The following KIAA0825 variants were observed in gnomAD, a reference collection of about 807,000 sequenced individuals.
KIAA0825 encodes the protein KIAA0825, also known as uncharacterized protein KIAA0825.
A neutral mutation model predicts 147.6 loss-of-function variants in KIAA0825; 119 were observed. The observed-to-expected ratio is 0.81, with a 90% CI of 0.69 to 0.94. The LOEUF (loss-of-function observed/expected upper bound fraction) is 0.94, where lower values mean the gene tolerates loss of function less well. Ranked by LOEUF, KIAA0825 falls within the 40% of genes least tolerant of loss-of-function variation. The probability of loss-of-function intolerance (pLI) is 0.00; values close to 1 mark genes in which losing one functional copy is unlikely to be tolerated. For synonymous variants in KIAA0825, 470 were observed against 518.1 expected, an observed-to-expected ratio of 0.91 and a Z score of 1.26; for missense variants, 1,381 against 1,472.7, an observed-to-expected ratio of 0.94 and a Z score of 1.02.
At chr5:94,494,889 CAT>C (rs958006885) in intron 5 of KIAA0825, among the ~76,000 whole-genome samples, 1 of 152,082 alleles carries the variant, frequency 6.6e-6, no homozygotes, top group Non-Finnish European at 1.5e-5. Flanking sequence ...CTCAATATAA[CAT>C]GTTAAAAATT....
chr5:94,178,966 A>C lies in KIAA0825; in HGVS notation c.3711-24842T>G, dbSNP rs73773584. ...ATTCAGCCCTAAAAGGGAACAAACT[A>C]TTGATTTATACAACATGAATTAATT... On this transcript the variant is annotated intron_variant, in intron 20 of 20. Transcript: ENST00000682413. Among the ~76,000 whole-genome samples, 626 of 152,246 alleles carry C rather than the reference A, an allele frequency of 4.1e-3. 7 individuals are homozygous for C. The highest frequency in any genetic ancestry group is 0.014 in the African/African-American group (599 of 41,568).
At chr5:94,473,119 T>C (rs925606433) in intron 8 of KIAA0825, among the ~76,000 whole-genome samples, 173 bp downstream of exon 8, 3 of 152,190 alleles carry the variant, frequency 2.0e-5, no homozygotes, top group African/African-American at 7.2e-5. Context: ...GTATAAGTCC[T>C]TTCGGGCAGC....
chr5:94,339,632 G>A (rs981090335), intron 20 of KIAA0825, among the ~76,000 whole-genome samples: 8 of 152,164 alleles, frequency 5.3e-5, no homozygotes, highest in Non-Finnish European at 7.3e-5. Flanking sequence ...GGGAGACAAT[G>A]TGAGAAAGCA....
intron 20 of KIAA0825, among the ~76,000 whole-genome samples, chr5:94,322,523 G>C (rs1446600219): frequency 6.6e-6 from 1 of 151,754 alleles, no homozygotes; most frequent in East Asian, 1.9e-4. Context: ...GCATTCTACA[G>C]GCATGCCTTG....
intron 20 of KIAA0825, among the ~76,000 whole-genome samples, chr5:94,357,736 C>G (rs1046194580): frequency 1.3e-5 from 2 of 152,158 alleles, no homozygotes; most frequent in Non-Finnish European, 2.9e-5. Flanking sequence ...GTTTATTCCC[C>G]TTAACTGCAG....
At chr5:94,166,739 C>T (rs1301245562) in intron 20 of KIAA0825, among the ~76,000 whole-genome samples, 3 of 151,976 alleles carry the variant, frequency 2.0e-5, no homozygotes, top group Admixed American at 6.6e-5. Flanking sequence ...AACTCCTAAC[C>T]TCAGGTGATC....
intron 7 of KIAA0825, among the ~76,000 whole-genome samples, chr5:94,476,685 C>T (rs575053681): frequency 6.6e-6 from 1 of 152,306 alleles, no homozygotes; most frequent in South Asian, 2.1e-4. Context: ...GTGTAATTCT[C>T]TACAATCTAG....
intron 20 of KIAA0825, among the ~76,000 whole-genome samples, chr5:94,365,071 A>G (rs1745641542): frequency 6.6e-6 from 1 of 152,138 alleles, no homozygotes; most frequent in South Asian, 2.1e-4. Context: ...GTGGGCGGCT[A>G]TGTAAACGTC....
chr5:94,608,566 T>C (rs1239901029), intron 1 of KIAA0825, among the ~76,000 whole-genome samples: 2 of 124,900 alleles, frequency 1.6e-5, no homozygotes, highest in Non-Finnish European at 3.2e-5. Context: ...ATTCTTGACT[T>C]CAAGTGATCT....
At chr5:94,546,379 T>C (rs536529209) in intron 2 of KIAA0825, among the ~76,000 whole-genome samples, 1 of 152,254 alleles carries the variant, frequency 6.6e-6, no homozygotes, top group African/African-American at 2.4e-5. Flanking sequence ...ACATAGGTGA[T>C]AACCAGTTAG....
At chr5:94,324,809 C>T (rs1780525110) in intron 20 of KIAA0825, among the ~76,000 whole-genome samples, 1 of 151,432 alleles carries the variant, frequency 6.6e-6, no homozygotes, top group Admixed American at 6.6e-5. Flanking sequence ...TAAGAATCTT[C>T]TAGTAAAAGG....
chr5:94,327,937 C>A (rs1173147312), intron 20 of KIAA0825, among the ~76,000 whole-genome samples: 1 of 152,052 alleles, frequency 6.6e-6, no homozygotes, highest in Non-Finnish European at 1.5e-5. Flanking sequence ...ACCTGGGAGG[C>A]AGGGGTTGCA....
intron 20 of KIAA0825, among the ~76,000 whole-genome samples, chr5:94,190,878 A>G (rs1056372440): frequency 6.6e-6 from 1 of 152,118 alleles, no homozygotes; most frequent in African/African-American, 2.4e-5. Context: ...AATATTACTT[A>G]CTTAACGCAC....
intron 20 of KIAA0825, among the ~76,000 whole-genome samples, chr5:94,351,335 C>A (rs377331386): frequency 4.6e-5 from 7 of 151,702 alleles, no homozygotes; most frequent in East Asian, 3.9e-4. Context: ...GCTGAAAAAA[C>A]AACAACAACA....
chr5:94,344,543 T>A (rs1242702421), intron 20 of KIAA0825, among the ~76,000 whole-genome samples: 1 of 152,212 alleles, frequency 6.6e-6, no homozygotes, highest in African/African-American at 2.4e-5. Context: ...CCAGCAATTT[T>A]GTTTCTAGGT....
chr5:94,539,764 C>G (rs1435004829), intron 2 of KIAA0825, among the ~76,000 whole-genome samples: 2 of 151,894 alleles, frequency 1.3e-5, no homozygotes, highest in African/African-American at 2.4e-5. Context: ...GTTAGAGACC[C>G]AACTTAGGAG....
At chr5:94,337,207 T>C (rs1781899586) in intron 20 of KIAA0825, among the ~76,000 whole-genome samples, 1 of 152,170 alleles carries the variant, frequency 6.6e-6, no homozygotes, top group Admixed American at 6.5e-5. Flanking sequence ...AAAATGAGAT[T>C]GTATATTCAC....
At chr5:94,365,519 T>C (rs1745719316) in intron 20 of KIAA0825, among the ~76,000 whole-genome samples, 2 of 152,230 alleles carry the variant, frequency 1.3e-5, no homozygotes, top group African/African-American at 2.4e-5. Flanking sequence ...CAGTAGATTA[T>C]TGAAAAAATG....
intron 20 of KIAA0825, among the ~76,000 whole-genome samples, chr5:94,217,742 A>G (rs1306369901): frequency 1.3e-5 from 2 of 152,192 alleles, no homozygotes; most frequent in African/African-American, 2.4e-5. Context: ...AAATAATATT[A>G]TAGAGATTTA....
Sources: gnomAD v4.1 joint callset for allele counts (sites outside exome capture counted in the v4.1 genomes callset) on GRCh38, gnomAD v4.1.1 for gene constraint, MANE v1.5 for transcripts, NCBI Gene and HGNC (gene_info 2026-07-23, HGNC 2026-07-21) for gene names.